Variants in NCAM2 observed in about 807,000 individuals in gnomAD.
NCAM2 encodes N-CAM-2.
A neutral mutation model predicts 98.1 loss-of-function variants in NCAM2; 30 were observed. That is an observed-to-expected ratio of 0.31 (90% CI 0.23 to 0.41). The LOEUF (loss-of-function observed/expected upper bound fraction) is 0.41, where lower values mean the gene tolerates loss of function less well. Among genes scored for constraint, NCAM2 ranks in the 10% least tolerant of loss-of-function variants. The pLI is 1.00. For synonymous variants in NCAM2, 368 were observed against 342.4 expected (o/e 1.07, Z -0.83); for missense variants, 867 against 1,005.8 (o/e 0.86, Z 1.87).
At chr21:21,154,577 A>G (rs988950789) in intron 1 of NCAM2, among the ~76,000 whole-genome samples, 1 of 151,920 alleles carries the variant, frequency 6.6e-6, no homozygotes, top group Non-Finnish European at 1.5e-5. Flanking sequence ...AACGAAAACG[A>G]CAACATTTTG....
intron 12 of NCAM2, among the ~76,000 whole-genome samples, chr21:21,459,874 A>C (rs1982705173): frequency 6.6e-6 from 1 of 151,916 alleles, no homozygotes; most frequent in South Asian, 2.1e-4. Flanking sequence ...CTAAGTTAAT[A>C]AGAAATGTAA....
intron 8 of NCAM2, among the ~76,000 whole-genome samples, chr21:21,352,890 G>A (rs1362726311): frequency 6.7e-6 from 1 of 149,896 alleles, no homozygotes; most frequent in Non-Finnish European, 1.5e-5. Flanking sequence ...GTCTCACTCT[G>A]TTGACCAGGC....
intron 1 of NCAM2, among the ~76,000 whole-genome samples, chr21:21,051,624 T>G (rs1364650500): frequency 6.6e-6 from 1 of 152,234 alleles, no homozygotes; most frequent in Non-Finnish European, 1.5e-5. Flanking sequence ...TTACAGCTTC[T>G]GAACCCAGCA....
At chr21:21,260,216 C>G (rs936307136) in intron 1 of NCAM2, among the ~76,000 whole-genome samples, 4 of 151,526 alleles carry the variant, frequency 2.6e-5, no homozygotes, top group Non-Finnish European at 5.9e-5. Flanking sequence ...CAACCAAACC[C>G]ACGACTTATT....
At chr21:21,430,287 A>G (rs1462504968) in intron 11 of NCAM2, among the ~76,000 whole-genome samples, 1 of 151,328 alleles carries the variant, frequency 6.6e-6, no homozygotes, top group East Asian at 2.0e-4. Flanking sequence ...CTCAGCTTCC[A>G]AAGTGCAGTG....
At chr21:21,489,975 TC>T (rs372912837) in intron 15 of NCAM2, among the ~76,000 whole-genome samples, 1,610 of 152,146 alleles carry the variant, frequency 0.011, 29 homozygotes, top group African/African-American at 0.037. Flanking sequence ...AGGAAAACAT[TC>T]CCTCAGTTTA....
chr21:21,503,929 T>C (rs1987801017), intron 15 of NCAM2, among the ~76,000 whole-genome samples: 1 of 151,828 alleles, frequency 6.6e-6, no homozygotes, highest in African/African-American at 2.4e-5. Flanking sequence ...AAAATGATCA[T>C]TAAAGAGGAA....
At chr21:21,158,612 C>CAA (rs34097159) in intron 1 of NCAM2, among the ~76,000 whole-genome samples, 66,114 of 144,140 alleles carry the variant, frequency 0.46, 15,698 homozygotes, top group South Asian at 0.61. Context: ...CCCGCCCCCG[C>CAA]AAAAAAAAAA....
At chr21:21,323,630 C>CAAAT (rs557048403) in intron 5 of NCAM2, among the ~76,000 whole-genome samples, 115 of 152,204 alleles carry the variant, frequency 7.6e-4, no homozygotes, top group African/African-American at 2.7e-3. Context: ...TTGTTTATTG[C>CAAAT]AAACAGTGCA....
intron 1 of NCAM2, among the ~76,000 whole-genome samples, chr21:21,151,409 G>C (rs1023245410): frequency 1.3e-5 from 2 of 152,088 alleles, no homozygotes; most frequent in African/African-American, 2.4e-5. Context: ...GTTGGTTGTA[G>C]TGTATTATTA....
intron 11 of NCAM2, among the ~76,000 whole-genome samples, chr21:21,428,712 G>T (rs1159784972): frequency 6.6e-6 from 1 of 152,180 alleles, no homozygotes; most frequent in Non-Finnish European, 1.5e-5. Context: ...GTATAAGATA[G>T]ATAGGAATCA....
Position 21,477,278 on chromosome 21 carries a change from A to G in NCAM2, c.1897-13A>G. On this transcript the variant is annotated splice_polypyrimidine_tract_variant and intron_variant, in intron 14 of 17. Transcript: ENST00000400546. ...ATGGATATTTACAAACTGCATTTTTATTGCTTTCACAGAAAGATAAGGAAG... is the reference window on the plus strand; with the variant it reads ...ATGGATATTTACAAACTGCATTTTTGTTGCTTTCACAGAAAGATAAGGAAG... The G allele has an allele frequency of 6.4e-7, 1 of 1,562,064 alleles. No homozygotes were observed. The highest frequency in any genetic ancestry group is 8.7e-7 in the Non-Finnish European group (1 of 1,153,028).
At chr21:21,197,929 T>C (rs760035080) in intron 1 of NCAM2, among the ~76,000 whole-genome samples, 11 of 152,194 alleles carry the variant, frequency 7.2e-5, no homozygotes, top group Non-Finnish European at 1.6e-4. Flanking sequence ...TGAGTTTGAA[T>C]GTTGCCTTTA....
intron 16 of NCAM2, among the ~76,000 whole-genome samples, chr21:21,511,151 T>A (rs1355415016): frequency 6.6e-6 from 1 of 152,068 alleles, no homozygotes; most frequent in African/African-American, 2.4e-5. Flanking sequence ...TAGTTATTTG[T>A]AAATATCTGA....
chr21:21,392,043 T>G (rs1476587305), intron 9 of NCAM2, among the ~76,000 whole-genome samples: 1 of 152,182 alleles, frequency 6.6e-6, no homozygotes. Context: ...GATTATTTCA[T>G]CACCCAGGTA....
At chr21:21,281,970 G>A (rs2072944981) in intron 2 of NCAM2, among the ~76,000 whole-genome samples, 1 of 151,618 alleles carries the variant, frequency 6.6e-6, no homozygotes, top group Non-Finnish European at 1.5e-5. Context: ...AATATTAATA[G>A]AGCCCATGAT....
chr21:21,257,258 A>T (rs1024530781), intron 1 of NCAM2, among the ~76,000 whole-genome samples: 1 of 152,236 alleles, frequency 6.6e-6, no homozygotes, highest in Non-Finnish European at 1.5e-5. Flanking sequence ...GGTTCTGAAC[A>T]AAGGCTGGTC....
chr21:21,379,244 A>G (rs880571), intron 9 of NCAM2, among the ~76,000 whole-genome samples: 1 of 151,768 alleles, frequency 6.6e-6, no homozygotes, highest in Non-Finnish European at 1.5e-5. Flanking sequence ...TTTCTATAAT[A>G]TGTCTGTTTT....
chr21:21,109,192 C>T (rs1165636581), intron 1 of NCAM2, among the ~76,000 whole-genome samples: 3 of 152,164 alleles, frequency 2.0e-5, no homozygotes, highest in Non-Finnish European at 4.4e-5. Context: ...TAAAGATAAG[C>T]CAGTTGTAAG....
Sources: gnomAD v4.1 joint callset for allele counts (sites outside exome capture counted in the v4.1 genomes callset) on GRCh38, gnomAD v4.1.1 for gene constraint, MANE v1.5 for transcripts, NCBI Gene and HGNC (gene_info 2026-07-23, HGNC 2026-07-21) for gene names.